ROBO2: variants seen among roughly 807,000 people sequenced by gnomAD.
ROBO2 encodes roundabout guidance receptor 2.
ROBO2 carries 53 observed loss-of-function variants against 160.8 expected under a neutral mutation model. The observed-to-expected ratio is 0.33, with a 90% CI of 0.26 to 0.41. The LOEUF is 0.41. Ranked by LOEUF, ROBO2 falls within the 10% of genes least tolerant of loss-of-function variation. The pLI, the probability that ROBO2 is intolerant of heterozygous loss-of-function variation, is 1.00. For synonymous variants in ROBO2, 664 were observed against 611.7 expected, an observed-to-expected ratio of 1.09 and a Z score of -1.26; for missense variants, 1,577 against 1,722.4, an observed-to-expected ratio of 0.92 and a Z score of 1.49.
intron 2 of ROBO2, among the ~76,000 whole-genome samples, chr3:77,183,161 A>ATTTG (rs1560182630): frequency 2.6e-5 from 4 of 152,014 alleles, no homozygotes. Context: ...AAAAAATTGT[A>ATTTG]TTTGTTCTAG....
At chr3:77,202,747 T>C (rs2083031829) in intron 2 of ROBO2, among the ~76,000 whole-genome samples, 1 of 152,180 alleles carries the variant, frequency 6.6e-6, no homozygotes, top group South Asian at 2.1e-4. Context: ...CTTTCTTCTT[T>C]ATTTCCTTCA....
At chr3:76,164,129 A>C (rs2072739944) in intron 2 of ROBO2, among the ~76,000 whole-genome samples, 1 of 152,200 alleles carries the variant, frequency 6.6e-6, no homozygotes, top group Non-Finnish European at 1.5e-5. Context: ...CCATGAATAG[A>C]CCACTCTCTT....
chr3:77,478,292 T>C (rs1399692477), intron 3 of ROBO2, among the ~76,000 whole-genome samples: 2 of 152,208 alleles, frequency 1.3e-5, no homozygotes, highest in East Asian at 3.8e-4. Context: ...TCTCAAATGC[T>C]TTTTCCAGTT....
At chr3:76,625,677 A>G (rs2089586866) in intron 2 of ROBO2, among the ~76,000 whole-genome samples, 1 of 152,164 alleles carries the variant, frequency 6.6e-6, no homozygotes, top group Non-Finnish European at 1.5e-5. Context: ...CAGAACTTCA[A>G]TATGCTTGAC....
At chr3:76,412,338 G>A (rs963804252) in intron 2 of ROBO2, among the ~76,000 whole-genome samples, 1 of 152,028 alleles carries the variant, frequency 6.6e-6, no homozygotes, top group African/African-American at 2.4e-5. Context: ...TCTGCCCCTG[G>A]CCCCTCCAAA....
intron 2 of ROBO2, among the ~76,000 whole-genome samples, chr3:77,305,135 GA>G (rs1208767506): frequency 6.6e-6 from 1 of 152,180 alleles, no homozygotes; most frequent in Admixed American, 6.5e-5. Flanking sequence ...AATAAAAGCA[GA>G]AGACGATTTT....
intron 2 of ROBO2, among the ~76,000 whole-genome samples, chr3:76,943,828 A>G (rs1333822765): frequency 6.6e-6 from 1 of 152,206 alleles, no homozygotes; most frequent in African/African-American, 2.4e-5. Flanking sequence ...GGTGATAGAT[A>G]TACTGTGTCA....
At chr3:77,012,597 G>A (rs978206972) in intron 2 of ROBO2, among the ~76,000 whole-genome samples, 4 of 152,144 alleles carry the variant, frequency 2.6e-5, no homozygotes, top group Admixed American at 6.5e-5. Context: ...TTACATGGAT[G>A]GATAGAAAAA....
At chr3:77,379,038 C>T (rs950221496) in intron 2 of ROBO2, among the ~76,000 whole-genome samples, 1 of 151,848 alleles carries the variant, frequency 6.6e-6, no homozygotes, top group African/African-American at 2.4e-5. Flanking sequence ...ACCTCTGCCT[C>T]CCAGGTTCAA....
At chr3:76,241,656 A>G (rs894214764) in intron 2 of ROBO2, among the ~76,000 whole-genome samples, 1 of 152,204 alleles carries the variant, frequency 6.6e-6, no homozygotes, top group African/African-American at 2.4e-5. Context: ...AAAATGCTCA[A>G]ATATATTCCT....
chr3:76,498,497 G>T (rs1460475748), intron 2 of ROBO2, among the ~76,000 whole-genome samples: 2 of 151,730 alleles, frequency 1.3e-5, no homozygotes, highest in Non-Finnish European at 2.9e-5. Context: ...TAACATATAT[G>T]TTAATTAGCT....
intron 2 of ROBO2, among the ~76,000 whole-genome samples, chr3:75,986,655 TCTC>T (rs2065423828): frequency 6.6e-6 from 1 of 151,740 alleles, no homozygotes; most frequent in African/African-American, 2.4e-5. Flanking sequence ...TATTATTTCT[TCTC>T]AGAGTTTTAT....
intron 2 of ROBO2, among the ~76,000 whole-genome samples, chr3:77,474,263 G>C (rs1035928426): frequency 6.6e-6 from 1 of 152,094 alleles, no homozygotes; most frequent in Non-Finnish European, 1.5e-5. Flanking sequence ...GAGTATATAA[G>C]CATTGGTATA....
chr3:77,644,682 T>C (rs1323139433), intron 24 of ROBO2, 22 bp from the exon 27 acceptor site: 6 of 1,612,336 alleles, frequency 3.7e-6, no homozygotes, highest in Non-Finnish European at 5.1e-6. Context: ...AATTTAGCCT[T>C]TGGGTTTTTT....
At chr3:76,754,404 G>A (rs183608899) in intron 2 of ROBO2, among the ~76,000 whole-genome samples, 41 of 151,888 alleles carry the variant, frequency 2.7e-4, no homozygotes, top group Admixed American at 1.1e-3. Context: ...ACACTGAAGC[G>A]GAGGGGCAGC....
At chr3:77,580,345 G>A (rs2153675952) in intron 16 of ROBO2, among the ~76,000 whole-genome samples, 1 of 152,198 alleles carries the variant, frequency 6.6e-6, no homozygotes, top group African/African-American at 2.4e-5. Flanking sequence ...ATATTTAAGA[G>A]TTTAAATGCT....
intron 2 of ROBO2, among the ~76,000 whole-genome samples, chr3:77,227,136 T>C (rs2086593723): frequency 6.8e-6 from 1 of 147,962 alleles, no homozygotes; most frequent in Admixed American, 6.6e-5. Flanking sequence ...TCTGATTTTC[T>C]TTTTTTTGTA....
chr3:76,216,409 A>C (rs1703533256), intron 2 of ROBO2, among the ~76,000 whole-genome samples: 1 of 152,202 alleles, frequency 6.6e-6, no homozygotes, highest in Non-Finnish European at 1.5e-5. Flanking sequence ...TGTATTCAGG[A>C]AACCCATCTC....
chr3:75,926,477 C>T lies in ROBO2; in HGVS notation c.-13-11004C>T, dbSNP rs146639322. Among the ~76,000 whole-genome samples, 1,005 of 152,116 alleles carry T rather than the reference C, an allele frequency of 6.6e-3. 10 individuals carry two copies. Among genetic ancestry groups the T allele is most frequent in the African/African-American group, 0.023 (941 of 41,496 alleles). On this transcript the variant is annotated intron_variant, in intron 1 of 26. Coordinates refer to the ROBO2 transcript ENST00000487694. ...AGATTCACAAATTGAAATTATTTTT[C>T]GGTAGTTTAATTCCCTCTAGAAGGT... is the stretch of plus-strand genomic sequence containing the variant.
Sources: gnomAD v4.1 joint callset for allele counts (sites outside exome capture counted in the v4.1 genomes callset) on GRCh38, gnomAD v4.1.1 for gene constraint, MANE v1.5 for transcripts, NCBI Gene and HGNC (gene_info 2026-07-23, HGNC 2026-07-21) for gene names.